TKTL1: variants seen among roughly 807,000 people sequenced by gnomAD.
TKTL1 encodes transketolase-like protein 1.
TKTL1 carries 1 observed loss-of-function variant against 39.3 expected under a neutral mutation model. The ratio of observed to expected loss-of-function variants is 0.03; its 90% CI spans 0.01 to 0.12. The LOEUF (loss-of-function observed/expected upper bound fraction) is 0.12, where lower values mean the gene tolerates loss of function less well. Ranked by LOEUF, TKTL1 falls within the 10% of genes least tolerant of loss-of-function variation. The pLI is 1.00. For synonymous variants in TKTL1, 262 were observed against 193.8 expected (o/e 1.35, Z -2.92); for missense variants, 575 against 509.6 (o/e 1.13, Z -1.24).
At chrX:154,305,840 C>T (rs1215954619) in intron 2 of TKTL1, among the ~76,000 whole-genome samples, 1 of 111,236 alleles carries the variant, frequency 9.0e-6, no homozygotes, top group Admixed American at 9.5e-5. Context: ...TGTTTCTGCA[C>T]ATCTGACCTG....
rs1210603203 is a variant in TKTL1 at position 154,330,228 on chromosome X, C to T, written c.*540C>T. 8.7e-6 allele frequency: 1 copy of T among 115,102 alleles called. No individual in the cohort carries two copies. Among genetic ancestry groups the T allele is most frequent in the Non-Finnish European group, 1.8e-5 (1 of 55,140 alleles). 9.5% of individuals were successfully genotyped at this position (115,102 alleles called of 1,213,427 possible). On this transcript the variant is annotated 3_prime_UTR_variant, in exon 13 of 13. Coordinates refer to ENST00000369915, the MANE Select transcript of TKTL1 (RefSeq NM_012253.4). ...TTCCCTTCGCTGTTTGCCTTCATCT[C>T]CCTCCACGTTTGAGAGGCTGTCAGG...
chrX:154,325,351 A>G lies in TKTL1; in HGVS notation c.1330A>G (p.Ile444Val), dbSNP rs781964116. 1 of 1,211,567 alleles carries G rather than the reference A, an allele frequency of 8.3e-7. No individual in the cohort carries two copies. ...LAANAKGMCF[I>V]RTTRPETMVI... ...ATTTATGCCCTAGGGGATGTGCTTC[A>G]TTCGGACCACCCGACCAGAAACTAT... Residue 444 changes from isoleucine (I) to valine (V), a missense_variant, in exon 10 of 13, where the codon ATT becomes GTT. By Grantham distance (29) the Ile-to-Val change is conservative. Transcript: ENST00000369915.
intron 8 of TKTL1, among the ~76,000 whole-genome samples, chrX:154,322,109 C>T (rs898575305): frequency 2.8e-5 from 3 of 108,197 alleles, no homozygotes; most frequent in Admixed American, 1.0e-4. Context: ...TGGCACGCAC[C>T]TGTATTCCAG....
At chrX:154,305,486 C>G (rs1557167057) in intron 2 of TKTL1, 65 bp downstream of exon 2, 1 of 1,144,736 alleles carries the variant, frequency 8.7e-7, no homozygotes, top group African/African-American at 1.8e-5. Context: ...TGAACAGCCA[C>G]CGTGTGGGAA....
At chrX:154,316,236 A>G (rs1222387696) in intron 7 of TKTL1, among the ~76,000 whole-genome samples, 7 of 110,519 alleles carry the variant, frequency 6.3e-5, no homozygotes, top group Non-Finnish European at 1.3e-4. Context: ...CACCCGGCTA[A>G]TTTTTTGTAT....
At chrX:154,309,289 A>C (rs2067337456) in intron 2 of TKTL1, 56 bp from the exon 3 acceptor site, 25 of 1,039,864 alleles carry the variant, frequency 2.4e-5, no homozygotes, top group Non-Finnish European at 3.4e-5. Flanking sequence ...GCGTGAGTCC[A>C]CCTGATACCA....
chrX:154,324,983 C>G (rs1216945365), intron 9 of TKTL1, among the ~76,000 whole-genome samples: 7 of 112,005 alleles, frequency 6.2e-5, no homozygotes, highest in African/African-American at 2.3e-4. Context: ...TGAAGCATTA[C>G]AAGTTATTGT....
At chrX:154,323,983 C>G (rs1557171431) in intron 9 of TKTL1, among the ~76,000 whole-genome samples, 1 of 112,820 alleles carries the variant, frequency 8.9e-6, no homozygotes. Flanking sequence ...CACCCTGGAC[C>G]TCGCCCATGC....
chrX:154,301,025 T>C (rs2067269404), intron 1 of TKTL1, among the ~76,000 whole-genome samples: 1 of 110,383 alleles, frequency 9.1e-6, no homozygotes, highest in African/African-American at 3.3e-5. Context: ...GATCGTATCA[T>C]CAGTGTTACA....
Position 154,311,136 on chromosome X carries a change from C to T in TKTL1, c.568C>T (p.Arg190Trp), listed in dbSNP as rs782577696. 6 of 1,211,751 alleles carry T rather than the reference C, an allele frequency of 5.0e-6. No homozygotes were observed. Among genetic ancestry groups the T allele is most frequent in the East Asian group, 5.9e-5 (2 of 33,838 alleles). Reference sequence around the variant, plus strand: ...GTGGAACACTTATGTGGTGGACGGCCGGGACGTGGAGGCACTGTGCCAGGT... The same window carrying T: ...GTGGAACACTTATGTGGTGGACGGCTGGGACGTGGAGGCACTGTGCCAGGT... ...FGWNTYVVDG[R>W]DVEALCQVFW... The change falls in exon 5 of 13, where the codon CGG (arginine) becomes TGG (tryptophan). Residue 190 changes from arginine (R) to tryptophan (W), a missense_variant. Physicochemically the swap from Arg to Trp is moderately radical, Grantham distance 101 (BLOSUM62 -3). Transcript: ENST00000369915.
chrX:154,327,918 A>T lies in TKTL1; in HGVS notation c.1578A>T (p.Thr526=), dbSNP rs370318026. Residue 526 remains threonine (T), a synonymous_variant, in exon 12 of 13, where the codon ACA becomes ACT. Transcript: ENST00000369915. ...CCATCGTCTCCAGTGCAAAAGCCACAGAGGGCCGGATCATTACAGTGGAGG... is the reference window on the plus strand; with the variant it reads ...CCATCGTCTCCAGTGCAAAAGCCACTGAGGGCCGGATCATTACAGTGGAGG... ...VATIVSSAKA[T]EGRIITVEDH... 5.8e-6 allele frequency: 7 copies of T among 1,210,287 alleles called. No individual in the cohort carries two copies. Among genetic ancestry groups the T allele is most frequent in the Non-Finnish European group, 7.8e-6 (7 of 895,172 alleles).
At chrX:154,317,100 C>G (rs1244691396) in intron 7 of TKTL1, among the ~76,000 whole-genome samples, 1 of 111,452 alleles carries the variant, frequency 9.0e-6, no homozygotes, top group Non-Finnish European at 1.9e-5. Context: ...GAATAGAAAA[C>G]AATGCGATCC....
chrX:154,301,216 G>GTTTTT (rs1179785983), intron 1 of TKTL1, among the ~76,000 whole-genome samples: 4 of 110,348 alleles, frequency 3.6e-5, no homozygotes, highest in Non-Finnish European at 7.6e-5. Context: ...AGTGCAATAT[G>GTTTTT]TTTTTTTAAA....
chrX:154,298,486 TG>T (rs2148797645), intron 1 of TKTL1, among the ~76,000 whole-genome samples: 1 of 112,373 alleles, frequency 8.9e-6, no homozygotes, highest in East Asian at 2.8e-4. Context: ...CCGAGGCAGC[TG>T]GATCACTTGA....
Position 154,327,892 on chromosome X carries a change from A to G in TKTL1, c.1552A>G (p.Thr518Ala). Reference sequence around the variant, plus strand: ...TACCATTAAACCTCTGGATGTCGCCACCATCGTCTCCAGTGCAAAAGCCAC... The same window carrying G: ...TACCATTAAACCTCTGGATGTCGCCGCCATCGTCTCCAGTGCAAAAGCCAC... Reference protein sequence around the residue: ...LFTIKPLDVATIVSSAKATEG... With the variant: ...LFTIKPLDVAAIVSSAKATEG... The change falls in exon 12 of 13, where the codon ACC (threonine) becomes GCC (alanine). Residue 518 changes from threonine (T) to alanine (A), a missense_variant. Coordinates refer to ENST00000369915, the MANE Select transcript of TKTL1 (RefSeq NM_012253.4). The G allele has an allele frequency of 1.7e-6, 2 of 1,211,809 alleles. No homozygotes were observed. The highest frequency in any genetic ancestry group is 2.2e-5 in the Admixed American group (1 of 46,058).
At chrX:154,296,344 G>T (rs2067227970) in intron 1 of TKTL1, among the ~76,000 whole-genome samples, 1 of 111,266 alleles carries the variant, frequency 9.0e-6, no homozygotes, top group Non-Finnish European at 1.9e-5. Flanking sequence ...GATCAGATTG[G>T]GCTAGCTGTG....
At chrX:154,300,334 A>G (rs1254203742) in intron 1 of TKTL1, among the ~76,000 whole-genome samples, 1 of 112,203 alleles carries the variant, frequency 8.9e-6, no homozygotes, top group African/African-American at 3.2e-5. Context: ...TTTGATGGGA[A>G]TTGCATTGAA....
chrX:154,310,214 T>G (rs1486289618), intron 3 of TKTL1, among the ~76,000 whole-genome samples: 1 of 109,823 alleles, frequency 9.1e-6, no homozygotes, highest in African/African-American at 3.3e-5. Context: ...CCCAGCACTT[T>G]GGGAGGCCGA....
intron 12 of TKTL1, among the ~76,000 whole-genome samples, chrX:154,328,476 G>A (rs1267498731): frequency 1.1e-5 from 1 of 92,565 alleles, no homozygotes; most frequent in African/African-American, 4.0e-5. Flanking sequence ...AACCCAGGAG[G>A]TGGAGGTTGC....
Sources: gnomAD v4.1 joint callset for allele counts (sites outside exome capture counted in the v4.1 genomes callset) on GRCh38, gnomAD v4.1.1 for gene constraint, MANE v1.5 for transcripts, NCBI Gene and HGNC (gene_info 2026-07-23, HGNC 2026-07-21) for gene names.